The following BORA variants were observed in gnomAD, a reference collection of about 807,000 sequenced individuals.
BORA encodes BORA aurora kinase A activator.
Under a neutral mutation model 55.8 loss-of-function variants are expected in BORA, and 26 were observed. The ratio of observed to expected loss-of-function variants is 0.47; its 90% CI spans 0.34 to 0.65. The LOEUF is 0.65. Ranked by LOEUF, BORA falls within the 30% of genes least tolerant of loss-of-function variation. The pLI, the probability that BORA is intolerant of heterozygous loss-of-function variation, is 0.01. For synonymous variants in BORA, 201 were observed against 216.9 expected (o/e 0.93, Z 0.64); for missense variants, 568 against 671.5 (o/e 0.85, Z 1.70).
chr13:72,729,239 G>A (rs1405675372), intron 2 of BORA, 146 bp downstream of exon 2: 8 of 733,720 alleles, frequency 1.1e-5, no homozygotes, highest in Non-Finnish European at 1.6e-5. Flanking sequence ...TTAAATTGTA[G>A]TGTTCATTAT....
At position 72,754,032 on chromosome 13, in the gene BORA, G is replaced by A. The variant is rs1015083509; in HGVS notation, c.1614+211G>A. ...ATACTACAAAGTGTGCAAAGGTAGC[G>A]TGTATTTGATGAGGGCATTTACTGA... On this transcript the variant is annotated intron_variant, in intron 11 of 11. Transcript: ENST00000390667. 55 of 465,934 alleles carry A rather than the reference G, an allele frequency of 1.2e-4. No individual in the cohort carries two copies. In the South Asian group the frequency reaches 1.6e-3, roughly 14 times the overall value. 28.9% of individuals were successfully genotyped at this position (465,934 alleles called of 1,614,324 possible).
intron 7 of BORA, 70 bp from the exon 8 acceptor site, chr13:72,744,911 G>A: frequency 2.8e-6 from 4 of 1,433,524 alleles, no homozygotes; most frequent in Non-Finnish European, 3.9e-6. Context: ...CTTCTTAAAA[G>A]TTGAGTAACA....
intron 3 of BORA, among the ~76,000 whole-genome samples, chr13:72,733,330 A>G (rs1440217903): frequency 6.6e-6 from 1 of 152,218 alleles, no homozygotes; most frequent in Non-Finnish European, 1.5e-5. Context: ...GTAGGTGACC[A>G]GTCCTGAGGT....
chr13:72,734,264 C>T lies in BORA; in HGVS notation c.261-696C>T, dbSNP rs552649252. Among the ~76,000 whole-genome samples the T allele has an allele frequency of 1.8e-4, 28 of 152,210 alleles. No individual in the cohort carries two copies. The East Asian group carries it at 5.4e-3, about 29-fold the overall frequency. The stretch of plus-strand genomic sequence containing the variant: ...AAAAAAAATATGTCTTACCAATTTA[C>T]TGATGGAAGGCAAGGATTCTTTCCT... On this transcript the variant is annotated intron_variant, in intron 3 of 11. Coordinates refer to ENST00000390667, the MANE Select transcript of BORA (RefSeq NM_024808.5).
chr13:72,727,960 C>A lies in BORA; in HGVS notation c.-63C>A, dbSNP rs534238971. 3 of 1,550,598 alleles carry A rather than the reference C, an allele frequency of 1.9e-6. No individual in the cohort carries two copies. The South Asian group carries it at 3.6e-5, about 18-fold the overall frequency. On this transcript the variant is annotated 5_prime_UTR_variant, in exon 1 of 12. Coordinates refer to ENST00000390667, the MANE Select transcript of BORA (RefSeq NM_024808.5). ...CCTGTCGTGGAAGCTGGCCTGGCCC[C>A]CGGAGCTCCCTGGAGTCGGTACTGG...
intron 11 of BORA, chr13:72,754,391 C>G (rs1425599416): frequency 6.6e-6 from 1 of 152,474 alleles, no homozygotes; most frequent in Non-Finnish European, 1.5e-5. Context: ...ATCACTACAG[C>G]CTTTAACTGC....
rs1314762702 is a variant in BORA, at chr13:72,755,156, C to T, written c.1620C>T (p.Asp540=). 6.2e-7 allele frequency: 1 copy of T among 1,613,656 alleles called. No homozygotes were observed. The highest frequency in any genetic ancestry group is 1.7e-5 in the Admixed American group (1 of 60,024). ...TATTGTCTTCTTTTTCACAGCAAGA[C>T]CACACAACACAGAGGTGTTGGATGA... is the stretch of plus-strand genomic sequence containing the variant. ...SKSQAFNMKQ[D]HTTQRCWMKT... Residue 540 remains aspartate (D), a synonymous_variant, in exon 12 of 12, where the codon GAC becomes GAT. Transcript: ENST00000390667.
intron 4 of BORA, among the ~76,000 whole-genome samples, chr13:72,736,547 A>G (rs1325352121): frequency 6.6e-6 from 1 of 152,198 alleles, no homozygotes; most frequent in African/African-American, 2.4e-5. Flanking sequence ...GATAACCAGC[A>G]TATACAGATT....
chr13:72,753,658 A>G, intron 10 of BORA, 32 bp from the exon 11 acceptor site: 1 of 1,595,130 alleles, frequency 6.3e-7, no homozygotes, highest in South Asian at 1.2e-5. Context: ...TAAGTTCCTC[A>G]CAATATATTT....
chr13:72,745,095 C>A lies in BORA; in HGVS notation c.626C>A (p.Pro209His). The A allele has an allele frequency of 6.2e-7, 1 of 1,614,098 alleles. No homozygotes were observed. The highest frequency in any genetic ancestry group is 8.5e-7 in the Non-Finnish European group (1 of 1,179,964). The stretch of plus-strand genomic sequence containing the variant: ...AACGGAAGCATCTCCGACTCCTTAC[C>A]TTCGGCTTCTCCCGGAAGTCCTCAC... ...DGNGSISDSLPSASPGSPHSG... is the reference protein window; with the variant it reads ...DGNGSISDSLHSASPGSPHSG... Residue 209 changes from proline (P) to histidine (H), a missense_variant, in exon 8 of 12, where the codon CCT (proline) becomes CAT (histidine). Physicochemically the swap from Pro to His is moderately conservative, Grantham distance 77 (BLOSUM62 -2). Coordinates refer to ENST00000390667, the MANE Select transcript of BORA (RefSeq NM_024808.5).
Position 72,746,749 on chromosome 13 carries a change from T to G in BORA, c.1120T>G (p.Ser374Ala). The stretch of plus-strand genomic sequence containing the variant: ...AGAGAATATTCCTTCCACAGATGTC[T>G]CATCACCCGCCATGGATGCTGCTGG... ...DKENIPSTDV[S>A]SPAMDAAGIH... The change falls in exon 10 of 12, where the codon TCA becomes GCA. Residue 374 changes from serine (S) to alanine (A), a missense_variant. Ser to Ala is a moderately conservative substitution (Grantham distance 99). Transcript: ENST00000390667. 6.2e-7 allele frequency: 1 copy of G among 1,614,172 alleles called. No homozygotes were observed. Among genetic ancestry groups the G allele is most frequent in the South Asian group, 1.1e-5 (1 of 91,086 alleles).
chr13:72,742,371 T>TAA (rs149826884), intron 5 of BORA, among the ~76,000 whole-genome samples: 15,905 of 152,024 alleles, frequency 0.1, 1,121 homozygotes, highest in Non-Finnish European at 0.16. Context: ...TTTCAATTTA[T>TAA]AAAACTTTAG....
Position 72,745,057 on chromosome 13 carries a change from G to T in BORA, c.588G>T (p.Leu196=). The T allele has an allele frequency of 1.9e-6, 3 of 1,614,140 alleles. No individual in the cohort carries two copies. The highest frequency in any genetic ancestry group is 1.7e-6 in the Non-Finnish European group (2 of 1,179,986). The part of the protein sequence containing the change: ...NLSSSSLRRK[L]FLDGNGSISD... ...GTTCTTCATCCCTCAGAAGAAAGCT[G>T]TTTTTAGATGGGAACGGAAGCATCT... Residue 196 remains leucine, a synonymous_variant, in exon 8 of 12, where the codon CTG becomes CTT. Coordinates refer to ENST00000390667, the MANE Select transcript of BORA (RefSeq NM_024808.5).
At chr13:72,753,845 C>T in intron 11 of BORA, 24 bp downstream of exon 11, 1 of 1,584,804 alleles carries the variant, frequency 6.3e-7, no homozygotes, top group South Asian at 1.1e-5. Context: ...ATAGTGAAAG[C>T]TTAATATTGT....
chr13:72,741,523 T>C (rs1315858196), intron 5 of BORA, among the ~76,000 whole-genome samples: 1 of 152,208 alleles, frequency 6.6e-6, no homozygotes, highest in Non-Finnish European at 1.5e-5. Context: ...GTCTTAAACA[T>C]TTCAAATGTT....
rs373466936 is a variant in BORA, at chr13:72,735,061, A to C, written c.306+56A>C. ...AGTTAAGGATCAATTCTGCATGTACATCACTTCTTTTAGGAAGACTTTCTT... is the reference window on the plus strand; with the variant it reads ...AGTTAAGGATCAATTCTGCATGTACCTCACTTCTTTTAGGAAGACTTTCTT... On this transcript the variant is annotated intron_variant, in intron 4 of 11. Coordinates refer to ENST00000390667, the MANE Select transcript of BORA (RefSeq NM_024808.5). The C allele has an allele frequency of 3.2e-5, 43 of 1,352,466 alleles. No homozygotes were observed. The African/African-American group carries it at 5.5e-4, about 17-fold the overall frequency. 83.8% of individuals were successfully genotyped at this position (1,352,466 alleles called of 1,614,324 possible).
At chr13:72,746,380 AACAAC>A in intron 9 of BORA, 116 bp from the exon 10 acceptor site, 2 of 1,207,488 alleles carry the variant, frequency 1.7e-6, no homozygotes, top group Non-Finnish European at 1.1e-6. Context: ...CACTTTGGTA[AACAAC>A]ACAACTGTTA....
chr13:72,730,983 G>A (rs1007416668), intron 2 of BORA, among the ~76,000 whole-genome samples: 2 of 151,808 alleles, frequency 1.3e-5, no homozygotes, highest in Non-Finnish European at 2.9e-5. Flanking sequence ...CAGGAGAATC[G>A]CTTGAACCGG....
Position 72,754,064 on chromosome 13 carries a change from C to T in BORA, c.1614+243C>T, listed in dbSNP as rs933925373. 8 of 362,354 alleles carry T rather than the reference C, an allele frequency of 2.2e-5. No homozygotes were observed. In the Admixed American group the frequency reaches 3.5e-4, roughly 16 times the overall value. The allele number at this position is 362,354 out of a possible 1,614,324, so 22.4% of individuals were successfully genotyped here. ...TGATGAGGGCATTTACTGAACCTTC[C>T]AGGTGGTGGTTATATATTCATACTT... is the stretch of plus-strand genomic sequence containing the variant. On this transcript the variant is annotated intron_variant, in intron 11 of 11. Transcript: ENST00000390667.
Sources: gnomAD v4.1 joint callset for allele counts (sites outside exome capture counted in the v4.1 genomes callset) on GRCh38, gnomAD v4.1.1 for gene constraint, MANE v1.5 for transcripts, NCBI Gene and HGNC (gene_info 2026-07-23, HGNC 2026-07-21) for gene names.